The following ANP32A variants were observed in gnomAD, a reference collection of about 807,000 sequenced individuals.
The protein encoded by ANP32A is acidic nuclear phosphoprotein 32 family member A.
A neutral mutation model predicts 33.9 loss-of-function variants in ANP32A; 1 was observed. That is an observed-to-expected ratio of 0.03 (90% CI 0.01 to 0.14). The LOEUF (loss-of-function observed/expected upper bound fraction) is 0.14. ANP32A is among the 10% of genes least tolerant of loss of function. The pLI is 1.00. For synonymous variants in ANP32A, 115 were observed against 120.5 expected (o/e 0.95, Z 0.30); for missense variants, 155 against 306.0 (o/e 0.51, Z 3.68).
In ANP32A at chr15:68,779,950, T is replaced by A; in HGVS notation, c.*131A>T. On this transcript the variant is annotated 3_prime_UTR_variant, in exon 7 of 7. Coordinates refer to ENST00000465139, the MANE Select transcript of ANP32A (RefSeq NM_006305.4). ...CAACCCCCAGTACACTCTTCCCCTC[T>A]CGTTCCCACAGCAACGTTACAATCA... is the stretch of plus-strand genomic sequence containing the variant. 2.1e-5 allele frequency: 10 copies of A among 476,514 alleles called. No homozygotes were observed. The highest frequency in any genetic ancestry group is 3.6e-5 in the Admixed American group (1 of 28,118). The allele number at this position is 476,514 out of a possible 1,614,324, so 29.5% of individuals were successfully genotyped here.
In ANP32A at chr15:68,796,360, C is replaced by T. The variant is rs145309917; in HGVS notation, c.55-8441G>A. Among the ~76,000 whole-genome samples, 913 of 152,090 alleles carry T rather than the reference C, an allele frequency of 6.0e-3. 25 individuals carry two copies. The East Asian group carries it at 0.062, about 10-fold the overall frequency. The stretch of plus-strand genomic sequence containing the variant: ...CCTCCCAAAGTGCTGGGATTACAGG[C>T]GCCCACCATCACACCTGGCTAATTT... On this transcript the variant is annotated intron_variant, in intron 1 of 6. Transcript: ENST00000465139.
chr15:68,783,422 G>T (rs533583822), intron 4 of ANP32A, among the ~76,000 whole-genome samples: 10 of 152,190 alleles, frequency 6.6e-5, no homozygotes, highest in Middle Eastern at 6.8e-3. Flanking sequence ...GGCACAGAGA[G>T]AACTGACTTG....
Position 68,783,007 on chromosome 15 carries a change from GTCC to G in ANP32A, c.570_572del (p.Glu190del), listed in dbSNP as rs1236837785. 2.4e-5 allele frequency: 37 copies of G among 1,550,948 alleles called. No homozygotes were observed. Among genetic ancestry groups the G allele is most frequent in the Admixed American group, 5.9e-5 (3 of 50,956 alleles). ...CTTCACCTTCCTCCTCCTCATCCTC[GTCC>G]TCCTCGTCTTCCACTACCTGAGCAT... On this transcript the variant is annotated inframe_deletion, in exon 5 of 7. Transcript: ENST00000465139.
At chr15:68,811,614 G>C (rs758165825) in intron 1 of ANP32A, among the ~76,000 whole-genome samples, 2 of 152,156 alleles carry the variant, frequency 1.3e-5, no homozygotes, top group Non-Finnish European at 2.9e-5. Context: ...TCCAATGTCA[G>C]GACTGTAGTG....
intron 1 of ANP32A, among the ~76,000 whole-genome samples, chr15:68,798,228 G>A (rs1248417332): frequency 6.6e-6 from 1 of 152,180 alleles, no homozygotes; most frequent in East Asian, 1.9e-4. Context: ...CCCGAGTGGA[G>A]GAACTGTCAG....
intron 3 of ANP32A, among the ~76,000 whole-genome samples, chr15:68,786,890 C>T (rs1246892801): frequency 6.6e-6 from 1 of 152,160 alleles, no homozygotes; most frequent in Non-Finnish European, 1.5e-5. Context: ...CTCCACACCA[C>T]GTTGAGGAAG....
chr15:68,800,302 G>A (rs1894113777), intron 1 of ANP32A, among the ~76,000 whole-genome samples: 1 of 152,038 alleles, frequency 6.6e-6, no homozygotes, highest in Admixed American at 6.6e-5. Flanking sequence ...GCCATGCCAG[G>A]TACTATGCTA....
chr15:68,801,039 G>C (rs1367676201), intron 1 of ANP32A, among the ~76,000 whole-genome samples: 1 of 151,980 alleles, frequency 6.6e-6, no homozygotes, highest in African/African-American at 2.4e-5. Context: ...TGGAGAGAAG[G>C]CTGCTGTAGG....
intron 1 of ANP32A, chr15:68,801,753 GC>G (rs1894139470): frequency 6.5e-6 from 1 of 154,650 alleles, no homozygotes; most frequent in Admixed American, 6.5e-5. Flanking sequence ...GTAGCACTTT[GC>G]CAGAATGCTC....
chr15:68,788,628 T>C (rs1893962914), intron 1 of ANP32A, among the ~76,000 whole-genome samples: 1 of 152,246 alleles, frequency 6.6e-6, no homozygotes, highest in South Asian at 2.1e-4. Flanking sequence ...TTTAATTCTA[T>C]TTAATTTCAA....
At chr15:68,781,166 G>GAAGT (rs1176930455) in intron 5 of ANP32A, 1 of 152,122 alleles carries the variant, frequency 6.6e-6, no homozygotes, top group Non-Finnish European at 1.5e-5. Context: ...CCTGGTTCCT[G>GAAGT]AAGTTTAAAA....
In ANP32A at chr15:68,792,780, C is replaced by A. The variant is rs1253150601; in HGVS notation, c.55-4861G>T. Among the ~76,000 whole-genome samples the A allele has an allele frequency of 2.0e-5, 3 of 152,184 alleles. No homozygotes were observed. The South Asian group carries it at 6.2e-4, about 32-fold the overall frequency. On this transcript the variant is annotated intron_variant, in intron 1 of 6. Transcript: ENST00000465139. The stretch of plus-strand genomic sequence containing the variant: ...ACAGGCCTCGACCTAGAGGGCTCGA[C>A]CCAACTGGCTCCATGATCTCAGCTC...
At chr15:68,812,825 A>G (rs950064332) in intron 1 of ANP32A, 1 of 152,146 alleles carries the variant, frequency 6.6e-6, no homozygotes, top group East Asian at 1.9e-4. Context: ...AGTAAAATGT[A>G]TTTCTCACTA....
intron 1 of ANP32A, among the ~76,000 whole-genome samples, chr15:68,819,288 G>T (rs1783981424): frequency 6.6e-6 from 1 of 152,136 alleles, no homozygotes; most frequent in Non-Finnish European, 1.5e-5. Context: ...GCTGGCCAGG[G>T]TCTCCGCCCC....
chr15:68,813,540 C>A (rs1412212017), intron 1 of ANP32A, among the ~76,000 whole-genome samples: 2 of 152,180 alleles, frequency 1.3e-5, no homozygotes, highest in Non-Finnish European at 2.9e-5. Flanking sequence ...AGAGTCAGGT[C>A]CATGTTTCTC....
At position 68,782,957 on chromosome 15, in the gene ANP32A, T is replaced by A. The variant is rs1317616653; in HGVS notation, c.623A>T (p.Glu208Val). The change falls in exon 5 of 7, where the codon GAG becomes GTG. Residue 208 changes from glutamate (E) to valine (V), a missense_variant and splice_region_variant. Around this residue, in one of 4 missense-constraint regions of ANP32A, gnomAD observed 63 missense variants for 82.8 expected, o/e 0.76. Transcript: ENST00000465139. ...GEEEDVSGEE[E>V]EDEEGYNDGE... ...CCCTGCCCAGCCCAGCCTCCTTACC[T>A]CCTCCTCTCCACTCACGTCCTCCTC... 6.4e-7 allele frequency: 1 copy of A among 1,551,744 alleles called. No homozygotes were observed. Among genetic ancestry groups the A allele is most frequent in the Non-Finnish European group, 8.7e-7 (1 of 1,146,974 alleles).
chr15:68,791,032 C>CA (rs1373118772), intron 1 of ANP32A: 1 of 152,230 alleles, frequency 6.6e-6, no homozygotes, highest in Non-Finnish European at 1.5e-5. Flanking sequence ...TCCTCTCTCC[C>CA]AAAGCAAAGC....
At chr15:68,815,564 C>T (rs1894369687) in intron 1 of ANP32A, among the ~76,000 whole-genome samples, 2 of 152,112 alleles carry the variant, frequency 1.3e-5, no homozygotes, top group African/African-American at 4.8e-5. Flanking sequence ...CATGACTGTA[C>T]AAAAATTGGG....
chr15:68,802,187 T>C (rs958839949), intron 1 of ANP32A, among the ~76,000 whole-genome samples: 1 of 152,124 alleles, frequency 6.6e-6, no homozygotes, highest in African/African-American at 2.4e-5. Flanking sequence ...ACTAACACAT[T>C]CATTCTCATG....
Sources: gnomAD v4.1 joint callset for allele counts (sites outside exome capture counted in the v4.1 genomes callset) on GRCh38, gnomAD v4.1.1 for gene constraint, gnomAD v4.1.1 regional missense constraint, MANE v1.5 for transcripts, NCBI Gene and HGNC (gene_info 2026-07-23, HGNC 2026-07-21) for gene names.